Variants in TLR3 observed in about 807,000 individuals in gnomAD.
TLR3 encodes toll-like receptor 3.
In TLR3, 43 loss-of-function variants were observed where a neutral mutation model predicts 66.4. The ratio of observed to expected loss-of-function variants is 0.65; its 90% CI spans 0.51 to 0.83. The LOEUF (loss-of-function observed/expected upper bound fraction) is 0.83, where lower values mean the gene tolerates loss of function less well. TLR3 is among the 40% of genes least tolerant of loss of function. The probability of loss-of-function intolerance (pLI) is 0.00; values close to 1 mark genes in which losing one functional copy is unlikely to be tolerated. For synonymous variants in TLR3, 397 were observed against 397.2 expected (o/e 1.00, Z 0.01); for missense variants, 982 against 1,044.6 (o/e 0.94, Z 0.83).
At chr4:186,071,421 A>C (rs2099301449) in intron 1 of TLR3, among the ~76,000 whole-genome samples, 1 of 152,250 alleles carries the variant, frequency 6.6e-6, no homozygotes, top group Non-Finnish European at 1.5e-5. Context: ...AGAGATAGGA[A>C]GTTCTGAAGG....
At position 186,083,636 on chromosome 4, in the gene TLR3, G is replaced by A. The variant is rs781360064; in HGVS notation, c.1950G>A (p.Thr650=). The A allele has an allele frequency of 2.6e-5, 42 of 1,599,752 alleles. No individual in the cohort carries two copies. The highest frequency in any genetic ancestry group is 1.8e-4 in the South Asian group (16 of 88,214). ...TGCGCTTTAATCCCTTTGATTGCACGTGTGAAAGTATTGCCTGGTTTGTTA... is the reference window on the plus strand; with the variant it reads ...TGCGCTTTAATCCCTTTGATTGCACATGTGAAAGTATTGCCTGGTTTGTTA... ...LDMRFNPFDC[T]CESIAWFVNW... is the part of the protein sequence containing the mutation. Residue 650 remains threonine (T), a synonymous_variant, in exon 4 of 5, where the codon ACG becomes ACA. Coordinates refer to ENST00000296795, the MANE Select transcript of TLR3 (RefSeq NM_003265.3). This position sits in a 1 kb window ranked among gnomAD's most constrained non-coding sequence, Gnocchi z 4.0.
At chr4:186,075,571 A>C (rs1029613806) in intron 1 of TLR3, among the ~76,000 whole-genome samples, 33 of 152,100 alleles carry the variant, frequency 2.2e-4, no homozygotes, top group Admixed American at 7.2e-4. Flanking sequence ...TGGAAGCTGC[A>C]GTGAGCCATG....
rs1014286251 is a variant in TLR3, at chr4:186,086,336, T to C, written c.*1463T>C. On this transcript the variant is annotated 3_prime_UTR_variant, in exon 5 of 5. Coordinates refer to ENST00000296795, the MANE Select transcript of TLR3 (RefSeq NM_003265.3). ...TTTCTATACCTGAAATGTTCATTTGTCTGCTGAATTCAGGGAGCATTTGAG... is the reference window on the plus strand; with the variant it reads ...TTTCTATACCTGAAATGTTCATTTGCCTGCTGAATTCAGGGAGCATTTGAG... The C allele has an allele frequency of 1.3e-5, 2 of 152,256 alleles. No individual in the cohort carries two copies. Among genetic ancestry groups the C allele is most frequent in the African/African-American group, 4.8e-5 (2 of 41,468 alleles). 9.4% of individuals were successfully genotyped at this position (152,256 alleles called of 1,614,324 possible). A position where few individuals can be genotyped will look rare whatever the true frequency, so the allele number is the denominator to read the frequency against.
intron 1 of TLR3, among the ~76,000 whole-genome samples, chr4:186,070,563 A>T (rs974907512): frequency 5.9e-5 from 9 of 152,078 alleles, no homozygotes; most frequent in South Asian, 4.2e-4. Flanking sequence ...TTAAAAAAAA[A>T]TTTTGGTGGA....
At position 186,084,719 on chromosome 4, in the gene TLR3, A is replaced by G. The variant is rs1561373081; in HGVS notation, c.2561A>G (p.Glu854Gly). Residue 854 changes from glutamate (E) to glycine (G), a missense_variant, in exon 5 of 5, where the codon GAG (glutamate) becomes GGG (glycine). Glu to Gly is a moderately conservative substitution (Grantham distance 98). Coordinates refer to ENST00000296795, the MANE Select transcript of TLR3 (RefSeq NM_003265.3). ...LDSIILVFLE[E>G]IPDYKLNHAL... ...TCCATTATATTGGTTTTCCTTGAGG[A>G]GATTCCAGATTATAAACTGAACCAT... 1 of 1,614,042 alleles carries G rather than the reference A, an allele frequency of 6.2e-7. No homozygotes were observed. Among genetic ancestry groups the G allele is most frequent in the Non-Finnish European group, 8.5e-7 (1 of 1,179,952 alleles).
Position 186,082,384 on chromosome 4 carries a change from T to G in TLR3, c.698T>G (p.Leu233Arg). ...LFGLFLNNVQ[L>R]GPSLTEKLCL... ...GGCCTCTTTCTGAACAATGTCCAGC[T>G]GGGTCCCAGCCTTACAGAGAAGCTA... Residue 233 changes from leucine to arginine, a missense_variant, in exon 4 of 5, where the codon CTG (leucine) becomes CGG (arginine). Physicochemically the swap from Leu to Arg is moderately radical, Grantham distance 102. Around this residue, in one of 3 missense-constraint regions of TLR3, gnomAD observed 313 missense variants for 319.0 expected, o/e 0.98. Coordinates refer to ENST00000296795, the MANE Select transcript of TLR3 (RefSeq NM_003265.3). 6.2e-7 allele frequency: 1 copy of G among 1,614,188 alleles called. No individual in the cohort carries two copies. The highest frequency in any genetic ancestry group is 8.5e-7 in the Non-Finnish European group (1 of 1,180,038).
intron 1 of TLR3, among the ~76,000 whole-genome samples, chr4:186,073,502 A>G (rs1561369274): frequency 6.6e-6 from 1 of 152,048 alleles, no homozygotes; most frequent in Non-Finnish European, 1.5e-5. Flanking sequence ...CCTGGGTGAC[A>G]GAGTGAGACT....
Position 186,076,720 on chromosome 4 carries a change from T to C in TLR3, c.101T>C (p.Val34Ala). 4 of 1,614,214 alleles carry C rather than the reference T, an allele frequency of 2.5e-6. No individual in the cohort carries two copies. Among genetic ancestry groups the C allele is most frequent in the Non-Finnish European group, 3.4e-6 (4 of 1,180,044 alleles). ...STTKCTVSHE[V>A]ADCSHLKLTQ... ...ACCAAGTGCACTGTTAGCCATGAAG[T>C]TGCTGACTGCAGCCACCTGAAGTTG... The change falls in exon 2 of 5, where the codon GTT (valine) becomes GCT (alanine). Residue 34 changes from valine to alanine, a missense_variant. Transcript: ENST00000296795.
In TLR3 at chr4:186,083,202, C is replaced by T. The variant is rs774735663; in HGVS notation, c.1516C>T (p.Arg506Cys). 6.2e-6 allele frequency: 10 copies of T among 1,614,212 alleles called. No homozygotes were observed. Among genetic ancestry groups the T allele is most frequent in the South Asian group, 5.5e-5 (5 of 91,082 alleles). The part of the protein sequence containing the change: ...DSSPSPFQPL[R>C]NLTILDLSNN... ...CTCTCCTTCACCATTCCAGCCTCTT[C>T]GTAACTTGACCATTCTGGATCTAAG... The change falls in exon 4 of 5, where the codon CGT becomes TGT. Residue 506 changes from arginine (R) to cysteine (C), a missense_variant. Transcript: ENST00000296795. This position sits in a 1 kb window ranked among gnomAD's most constrained non-coding sequence, Gnocchi z 4.0.
At chr4:186,079,694 G>A (rs558830542) in intron 3 of TLR3, among the ~76,000 whole-genome samples, 11 of 152,310 alleles carry the variant, frequency 7.2e-5, no homozygotes, top group African/African-American at 2.2e-4. Context: ...TTCTGTCACG[G>A]GAGAGCAACA....
At chr4:186,081,966 C>T in intron 3 of TLR3, 1 of 290,118 alleles carries the variant, frequency 3.4e-6, no homozygotes, top group South Asian at 4.1e-5. Flanking sequence ...GCGGCTCAGG[C>T]CTATAATCCC....
At position 186,084,815 on chromosome 4, in the gene TLR3, T is replaced by G; in HGVS notation, c.2657T>G (p.Ile886Arg). 1 of 1,614,060 alleles carries G rather than the reference T, an allele frequency of 6.2e-7. No individual in the cohort carries two copies. The highest frequency in any genetic ancestry group is 1.1e-5 in the South Asian group (1 of 91,040). ...AACTGGCCAGTTCAGAAAGAACGGA[T>G]AGGTGCCTTTCGTCATAAATTGCAA... ...ILNWPVQKER[I>R]GAFRHKLQVA... is the part of the protein sequence containing the mutation. Residue 886 changes from isoleucine to arginine, a missense_variant, in exon 5 of 5, where the codon ATA becomes AGA. Physicochemically the swap from Ile to Arg is moderately conservative, Grantham distance 97. Around this residue, in one of 3 missense-constraint regions of TLR3, gnomAD observed 666 missense variants for 709.0 expected, o/e 0.94. Coordinates refer to ENST00000296795, the MANE Select transcript of TLR3 (RefSeq NM_003265.3).
At chr4:186,069,728 G>A (rs946301581) in intron 1 of TLR3, among the ~76,000 whole-genome samples, 4 of 152,170 alleles carry the variant, frequency 2.6e-5, no homozygotes, top group Non-Finnish European at 5.9e-5. Context: ...ATTCAGGTAT[G>A]CCTAGGAGTA....
chr4:186,080,366 A>T (rs56976411), intron 3 of TLR3, among the ~76,000 whole-genome samples: 1 of 152,126 alleles, frequency 6.6e-6, no homozygotes, highest in African/African-American at 2.4e-5. Flanking sequence ...GGGTGATTTT[A>T]AAAAATCACT....
rs759693156 is a variant in TLR3 at position 186,082,791 on chromosome 4, G to C, written c.1105G>C (p.Gly369Arg). The C allele has an allele frequency of 1.9e-6, 3 of 1,613,896 alleles. No individual in the cohort carries two copies. Among genetic ancestry groups the C allele is most frequent in the Non-Finnish European group, 1.7e-6 (2 of 1,179,966 alleles). Residue 369 changes from glycine to arginine, a missense_variant, in exon 4 of 5, where the codon GGC becomes CGC. By Grantham distance (125) the Gly-to-Arg change is moderately radical (BLOSUM62 -2). Coordinates refer to ENST00000296795, the MANE Select transcript of TLR3 (RefSeq NM_003265.3). ...HLNMEDNDIP[G>R]IKSNMFTGLI... ...TAACATGGAAGATAATGATATTCCA[G>C]GCATAAAAAGCAATATGTTCACAGG...
At chr4:186,075,910 C>G (rs1413521789) in intron 1 of TLR3, among the ~76,000 whole-genome samples, 1 of 152,090 alleles carries the variant, frequency 6.6e-6, no homozygotes, top group Admixed American at 6.5e-5. Context: ...AATCCCAGCA[C>G]TTTGGGAGGC....
In TLR3 at chr4:186,076,700, G is replaced by C. The variant is rs1188065402; in HGVS notation, c.81G>C (p.Lys27Asn). 1 of 1,614,188 alleles carries C rather than the reference G, an allele frequency of 6.2e-7. No homozygotes were observed. Among genetic ancestry groups the C allele is most frequent in the Non-Finnish European group, 8.5e-7 (1 of 1,180,042 alleles). Residue 27 changes from lysine (K) to asparagine (N), a missense_variant, in exon 2 of 5, where the codon AAG becomes AAC. Coordinates refer to ENST00000296795, the MANE Select transcript of TLR3 (RefSeq NM_003265.3). ...FGMLCASSTT[K>N]CTVSHEVADC... Reference sequence around the variant, plus strand: ...TGCTGTGTGCATCCTCCACCACCAAGTGCACTGTTAGCCATGAAGTTGCTG... The same window carrying C: ...TGCTGTGTGCATCCTCCACCACCAACTGCACTGTTAGCCATGAAGTTGCTG...
intron 1 of TLR3, among the ~76,000 whole-genome samples, chr4:186,072,353 C>CA (rs1206816260): frequency 7.2e-5 from 11 of 152,202 alleles, no homozygotes; most frequent in African/African-American, 2.7e-4. Context: ...ACTTTGTCAC[C>CA]CAGGCTGGAG....
rs35617964 is a variant in TLR3, at chr4:186,083,363, G to A, written c.1677G>A (p.Lys559=). ...ANPGGPIYFL[K]GLSHLHILNL... ...CTGGTGGTCCCATTTATTTCCTAAAGGGTCTGTCTCACCTCCACATCCTTA... is the reference window on the plus strand; with the variant it reads ...CTGGTGGTCCCATTTATTTCCTAAAAGGTCTGTCTCACCTCCACATCCTTA... Residue 559 remains lysine, a synonymous_variant, in exon 4 of 5, where the codon AAG becomes AAA. Transcript: ENST00000296795. This position sits in a 1 kb window ranked among gnomAD's most constrained non-coding sequence, Gnocchi z 4.0. The A allele has an allele frequency of 2.3e-3, 3,673 of 1,614,170 alleles. 71 individuals are homozygous for A. The African/African-American group carries it at 0.041, about 18-fold the overall frequency.
Sources: gnomAD v4.1 joint callset for allele counts (sites outside exome capture counted in the v4.1 genomes callset) on GRCh38, gnomAD v4.1.1 for gene constraint, gnomAD v4.1.1 regional missense constraint, Gnocchi (gnomAD v3.1) non-coding constraint, MANE v1.5 for transcripts, NCBI Gene and HGNC (gene_info 2026-07-23, HGNC 2026-07-21) for gene names.